SSBP2: variants seen among roughly 807,000 people sequenced by gnomAD.
SSBP2 encodes the protein single stranded DNA binding protein 2, also known as single-stranded DNA-binding protein 2.
SSBP2 carries 17 observed loss-of-function variants against 61.8 expected under a neutral mutation model. That is an observed-to-expected ratio of 0.28 (90% confidence interval 0.19 to 0.41). The LOEUF (loss-of-function observed/expected upper bound fraction) is 0.41. SSBP2 is among the 10% of genes least tolerant of loss of function. The pLI, the probability that SSBP2 is intolerant of heterozygous loss-of-function variation, is 1.00. For missense variants in SSBP2, 310 were observed against 458.7 expected (o/e 0.68, Z 2.96); for synonymous variants, 139 against 141.3 (o/e 0.98, Z 0.12).
chr5:81,450,135 A>G (rs563372181), intron 10 of SSBP2, among the ~76,000 whole-genome samples: 1 of 152,210 alleles, frequency 6.6e-6, no homozygotes, highest in African/African-American at 2.4e-5. Context: ...GGCTCAAGCA[A>G]TCCTCCTACC....
At chr5:81,431,375 G>T (rs1762275082) in intron 15 of SSBP2, among the ~76,000 whole-genome samples, 2 of 151,932 alleles carry the variant, frequency 1.3e-5, no homozygotes, top group Non-Finnish European at 2.9e-5. Context: ...CCAACTTCAA[G>T]AAATTTTATT....
rs1015030322 is a variant in SSBP2, at chr5:81,615,693, T to G, written c.198-136A>C. On this transcript the variant is annotated intron_variant, in intron 3 of 16. Coordinates refer to ENST00000320672, the MANE Select transcript of SSBP2 (RefSeq NM_012446.5). ...AGAACAGATATCTATCTGAAAGACT[T>G]AAACGCAAGCAAGGCTCTTCATGCA... is the stretch of plus-strand genomic sequence containing the variant. 96 of 594,332 alleles carry G rather than the reference T, an allele frequency of 1.6e-4. 1 individual carries two copies. In the East Asian group the frequency reaches 2.4e-3, roughly 15 times the overall value. 36.8% of individuals were successfully genotyped at this position (594,332 alleles called of 1,614,324 possible).
At chr5:81,648,190 GAC>G (rs1749432774) in intron 2 of SSBP2, among the ~76,000 whole-genome samples, 1 of 152,150 alleles carries the variant, frequency 6.6e-6, no homozygotes, top group East Asian at 1.9e-4. Context: ...AATACAAAAA[GAC>G]ATCCTTTTTG....
At chr5:81,543,954 A>G (rs1031464865) in intron 4 of SSBP2, among the ~76,000 whole-genome samples, 1 of 152,216 alleles carries the variant, frequency 6.6e-6, no homozygotes, top group Non-Finnish European at 1.5e-5. Context: ...ATATAATTAT[A>G]AACAATAATC....
intron 4 of SSBP2, among the ~76,000 whole-genome samples, chr5:81,584,734 A>G (rs912680767): frequency 6.6e-6 from 1 of 152,202 alleles, no homozygotes; most frequent in Admixed American, 6.5e-5. Context: ...AGGTAGCAGA[A>G]GAATAGATAA....
intron 12 of SSBP2, 79 bp downstream of exon 12, chr5:81,446,786 ACTT>A: frequency 7.2e-7 from 1 of 1,394,346 alleles, no homozygotes; most frequent in Non-Finnish European, 9.9e-7. Context: ...AATACTACTA[ACTT>A]TATTTCATGA....
chr5:81,617,005 A>G (rs1320445775), intron 3 of SSBP2, among the ~76,000 whole-genome samples: 1 of 105,966 alleles, frequency 9.4e-6, no homozygotes, highest in Admixed American at 1.0e-4. Flanking sequence ...ATGGGGAAAA[A>G]ACAGAACAGA....
At chr5:81,596,013 AAGGGTATTCAATT>A (rs1417479706) in intron 4 of SSBP2, among the ~76,000 whole-genome samples, 2 of 152,170 alleles carry the variant, frequency 1.3e-5, no homozygotes, top group East Asian at 3.9e-4. Context: ...GAAGGAAATA[AAGGGTATTCAATT>A]AGGAAAAGAG....
intron 1 of SSBP2, among the ~76,000 whole-genome samples, chr5:81,683,064 T>C (rs191071467): frequency 1.3e-5 from 2 of 152,264 alleles, no homozygotes; most frequent in Admixed American, 6.5e-5. Flanking sequence ...GAAGACTCAA[T>C]ATCATCAAGA....
chr5:81,610,566 G>C (rs1745345084), intron 4 of SSBP2, among the ~76,000 whole-genome samples: 1 of 152,050 alleles, frequency 6.6e-6, no homozygotes, highest in Non-Finnish European at 1.5e-5. Flanking sequence ...ATAATTCCTT[G>C]TATTATAGGA....
At chr5:81,649,743 C>A (rs1749571153) in intron 2 of SSBP2, among the ~76,000 whole-genome samples, 1 of 150,886 alleles carries the variant, frequency 6.6e-6, no homozygotes, top group Admixed American at 6.6e-5. Context: ...ATGTAACAAA[C>A]CTGCACAAGT....
At chr5:81,564,941 CT>C (rs1773312351) in intron 4 of SSBP2, among the ~76,000 whole-genome samples, 1 of 152,180 alleles carries the variant, frequency 6.6e-6, no homozygotes, top group South Asian at 2.1e-4. Context: ...TTTGTGTCCC[CT>C]GTCCACTTAA....
chr5:81,415,922 A>AAAAAAAAAAAAAAAAAAAAG lies in SSBP2; in HGVS notation c.*4581_*4582insCTTTTTTTTTTTTTTTTTTT, dbSNP rs766994399. 1 of 73,744 alleles carries AAAAAAAAAAAAAAAAAAAAG rather than the reference A, an allele frequency of 1.4e-5. No individual in the cohort carries two copies. The highest frequency in any genetic ancestry group is 2.3e-5 in the Non-Finnish European group (1 of 43,590). 4.6% of individuals were successfully genotyped at this position (73,744 alleles called of 1,614,324 possible). A position where few individuals can be genotyped will look rare whatever the true frequency, so the allele number is the denominator to read the frequency against. On this transcript the variant is annotated 3_prime_UTR_variant, in exon 17 of 17. Coordinates refer to ENST00000320672, the MANE Select transcript of SSBP2 (RefSeq NM_012446.5). ...GCAAGATTCTGACTCAAAAAAAAAAAAAAAAAAGAGGAAAACCTGATCAAG... is the reference window on the plus strand; with the variant it reads ...GCAAGATTCTGACTCAAAAAAAAAAAAAAAAAAAAAAAAAAAAAAGAAAAAAAGAGGAAAACCTGATCAAG...
chr5:81,537,458 A>T (rs1045220759), intron 4 of SSBP2, among the ~76,000 whole-genome samples: 13 of 152,128 alleles, frequency 8.5e-5, no homozygotes, highest in Non-Finnish European at 1.9e-4. Flanking sequence ...TTCTGGGATT[A>T]AAAAAACCCA....
At chr5:81,750,371 C>T (rs1041785830) in intron 1 of SSBP2, among the ~76,000 whole-genome samples, 1 of 146,070 alleles carries the variant, frequency 6.8e-6, no homozygotes, top group African/African-American at 2.5e-5. Flanking sequence ...CGCGCGTCTC[C>T]GCGCCCCGCG....
chr5:81,461,005 T>C (rs1764499853), intron 10 of SSBP2, 50 bp downstream of exon 10: 2 of 1,153,706 alleles, frequency 1.7e-6, no homozygotes, highest in African/African-American at 3.3e-5. Flanking sequence ...TGATTTTTGT[T>C]AAATGTTACA....
At chr5:81,472,674 A>G (rs1765327037) in intron 8 of SSBP2, among the ~76,000 whole-genome samples, 1 of 152,048 alleles carries the variant, frequency 6.6e-6, no homozygotes, top group South Asian at 2.1e-4. Context: ...ATCTTGTCTC[A>G]CTGCAACCTC....
chr5:81,678,256 TA>T (rs368934592), intron 1 of SSBP2, among the ~76,000 whole-genome samples: 2 of 151,792 alleles, frequency 1.3e-5, no homozygotes, highest in Non-Finnish European at 2.9e-5. Flanking sequence ...ATAAACACTG[TA>T]AAAAAAATGC....
chr5:81,750,914 G>A, intron 1 of SSBP2, 67 bp downstream of exon 1: 3 of 1,507,444 alleles, frequency 2.0e-6, no homozygotes, highest in East Asian at 2.5e-5. Context: ...CTCCCAGAGT[G>A]TGCGAGTGCG....
Sources: gnomAD v4.1 joint callset for allele counts (sites outside exome capture counted in the v4.1 genomes callset) on GRCh38, gnomAD v4.1.1 for gene constraint, MANE v1.5 for transcripts, NCBI Gene and HGNC (gene_info 2026-07-23, HGNC 2026-07-21) for gene names.